Variants in MYO3B observed in about 807,000 individuals in gnomAD.
MYO3B encodes the protein myosin IIIB, also known as myosin-IIIb.
Under a neutral mutation model 174.6 loss-of-function variants are expected in MYO3B, and 156 were observed. The observed-to-expected ratio is 0.89, with a 90% CI of 0.78 to 1.02. The LOEUF is 1.02. MYO3B is among the 50% of genes least tolerant of loss of function. MYO3B has a pLI of 0.00. For synonymous variants in MYO3B, 563 were observed against 569.1 expected, an observed-to-expected ratio of 0.99 and a Z score of 0.15; for missense variants, 1,632 against 1,639.4, an observed-to-expected ratio of 1.00 and a Z score of 0.08.
intron 22 of MYO3B, among the ~76,000 whole-genome samples, chr2:170,435,058 T>G (rs1031732470): frequency 6.6e-6 from 1 of 152,248 alleles, no homozygotes; most frequent in East Asian, 1.9e-4. Context: ...AATTGGAACA[T>G]GTTAATTACT....
At chr2:170,351,998 G>C (rs192272826) in intron 8 of MYO3B, among the ~76,000 whole-genome samples, 135 of 152,294 alleles carry the variant, frequency 8.9e-4, no homozygotes, top group African/African-American at 3.1e-3. Flanking sequence ...CGTCGCCCAG[G>C]CTAGAGTGCA....
chr2:170,601,583 A>C (rs1371241547), intron 32 of MYO3B: 3 of 1,077,040 alleles, frequency 2.8e-6, no homozygotes, highest in East Asian at 4.8e-5. Flanking sequence ...CTTTATAGAC[A>C]AGGAAAAAAA....
chr2:170,616,765 C>T (rs935161603), intron 32 of MYO3B, among the ~76,000 whole-genome samples: 1 of 152,174 alleles, frequency 6.6e-6, no homozygotes, highest in African/African-American at 2.4e-5. Context: ...CTCAGAGATA[C>T]CGTCTAAAAC....
chr2:170,235,878 A>G (rs2093063937), intron 6 of MYO3B, 113 bp from the exon 7 acceptor site: 8 of 1,272,812 alleles, frequency 6.3e-6, no homozygotes, highest in South Asian at 5.1e-5. Flanking sequence ...CTGGAATTCA[A>G]TATCATCGTG....
At chr2:170,423,346 G>A (rs539012730) in intron 22 of MYO3B, among the ~76,000 whole-genome samples, 68 of 152,188 alleles carry the variant, frequency 4.5e-4, no homozygotes, top group Non-Finnish European at 6.9e-4. Flanking sequence ...GCAGAGGATC[G>A]CTGCATCGGC....
At chr2:170,482,220 A>G (rs1685740253) in intron 25 of MYO3B, among the ~76,000 whole-genome samples, 1 of 151,770 alleles carries the variant, frequency 6.6e-6, no homozygotes, top group African/African-American at 2.4e-5. Context: ...CAGCGGAGCA[A>G]TCTCTGCTCA....
At chr2:170,366,428 G>T (rs530577030) in intron 8 of MYO3B, among the ~76,000 whole-genome samples, 34 of 152,142 alleles carry the variant, frequency 2.2e-4, no homozygotes, top group African/African-American at 7.9e-4. Flanking sequence ...AGCCTCCCAA[G>T]TAGCTGGGAC....
chr2:170,362,812 G>T (rs191557033), intron 8 of MYO3B, among the ~76,000 whole-genome samples: 48 of 152,270 alleles, frequency 3.2e-4, no homozygotes, highest in Non-Finnish European at 5.9e-4. Context: ...CACCAAACAG[G>T]GGGGTGATGT....
At chr2:170,249,016 C>T (rs1358583704) in intron 7 of MYO3B, among the ~76,000 whole-genome samples, 1 of 152,214 alleles carries the variant, frequency 6.6e-6, no homozygotes, top group Non-Finnish European at 1.5e-5. Context: ...TCTCTTCCAT[C>T]TAGTTCTTCT....
chr2:170,251,120 C>T (rs997759822), intron 7 of MYO3B, among the ~76,000 whole-genome samples: 20 of 152,216 alleles, frequency 1.3e-4, no homozygotes, highest in African/African-American at 4.3e-4. Context: ...TTCCCTGTCT[C>T]CTGTCCGTGT....
intron 32 of MYO3B, among the ~76,000 whole-genome samples, chr2:170,583,844 C>T (rs929437448): frequency 5.3e-5 from 8 of 151,972 alleles, no homozygotes; most frequent in Admixed American, 4.6e-4. Context: ...CTCAGTCTCA[C>T]GGTAAGGAAA....
intron 22 of MYO3B, among the ~76,000 whole-genome samples, chr2:170,416,551 A>G (rs2094580243): frequency 6.7e-6 from 1 of 150,228 alleles, no homozygotes; most frequent in African/African-American, 2.4e-5. Flanking sequence ...AAAGATACCA[A>G]CTAGATCATG....
intron 9 of MYO3B, among the ~76,000 whole-genome samples, chr2:170,381,144 A>C (rs1035889956): frequency 6.6e-6 from 1 of 151,960 alleles, no homozygotes; most frequent in African/African-American, 2.4e-5. Context: ...TAAATAAATA[A>C]AATTTTAAAA....
At chr2:170,506,279 G>A (rs957036551) in intron 28 of MYO3B, among the ~76,000 whole-genome samples, 4 of 152,212 alleles carry the variant, frequency 2.6e-5, no homozygotes, top group African/African-American at 9.6e-5. Flanking sequence ...CAAGTTTTTG[G>A]TGTATAAAAC....
intron 32 of MYO3B, among the ~76,000 whole-genome samples, chr2:170,569,593 G>T (rs1174093682): frequency 1.3e-5 from 2 of 150,702 alleles, no homozygotes; most frequent in African/African-American, 4.9e-5. Context: ...TGGGTGAGGT[G>T]GCTCACACCT....
intron 8 of MYO3B, among the ~76,000 whole-genome samples, chr2:170,339,819 T>TA (rs1351118876): frequency 6.6e-6 from 1 of 152,222 alleles, no homozygotes; most frequent in Non-Finnish European, 1.5e-5. Flanking sequence ...ACAGCTTAGT[T>TA]ATGATAAATT....
At chr2:170,507,042 C>G (rs963782724) in intron 28 of MYO3B, among the ~76,000 whole-genome samples, 3 of 152,202 alleles carry the variant, frequency 2.0e-5, no homozygotes, top group Non-Finnish European at 2.9e-5. Context: ...TTCAAACTCA[C>G]TGTCTTTATC....
chr2:170,498,009 T>G (rs201490752), intron 25 of MYO3B, among the ~76,000 whole-genome samples: 1 of 151,370 alleles, frequency 6.6e-6, no homozygotes, highest in Admixed American at 6.6e-5. Context: ...TCTCTGAAAC[T>G]CTTTAATCTG....
intron 30 of MYO3B, among the ~76,000 whole-genome samples, chr2:170,536,632 A>C (rs1300399326): frequency 6.6e-6 from 1 of 152,226 alleles, no homozygotes; most frequent in Non-Finnish European, 1.5e-5. Flanking sequence ...ATTAAAGCCC[A>C]GGAATAATGT....
Sources: gnomAD v4.1 joint callset for allele counts (sites outside exome capture counted in the v4.1 genomes callset) on GRCh38, gnomAD v4.1.1 for gene constraint, MANE v1.5 for transcripts, NCBI Gene and HGNC (gene_info 2026-07-23, HGNC 2026-07-21) for gene names.